CAMTA1: variants seen among roughly 807,000 people sequenced by gnomAD.
The protein encoded by CAMTA1 is calmodulin-binding transcription activator 1.
Under a neutral mutation model 170.9 loss-of-function variants are expected in CAMTA1, and 27 were observed. The observed-to-expected ratio is 0.16, with a 90% CI of 0.12 to 0.22. CAMTA1 has a LOEUF of 0.22. Among genes scored for constraint, CAMTA1 ranks in the 10% least tolerant of loss-of-function variants. CAMTA1 has a pLI of 1.00. For synonymous variants in CAMTA1, 833 were observed against 891.5 expected, an observed-to-expected ratio of 0.93 and a Z score of 1.17; for missense variants, 1,619 against 2,217.2, an observed-to-expected ratio of 0.73 and a Z score of 5.42.
chr1:7,218,129 C>T (rs539311096), intron 4 of CAMTA1, among the ~76,000 whole-genome samples: 13 of 152,310 alleles, frequency 8.5e-5, no homozygotes, highest in African/African-American at 3.1e-4. Flanking sequence ...CCATCCTTGC[C>T]CCACCTTCTA....
chr1:7,339,053 C>T (rs373604060), intron 5 of CAMTA1, among the ~76,000 whole-genome samples: 3 of 152,148 alleles, frequency 2.0e-5, no homozygotes, highest in South Asian at 2.1e-4. Context: ...ACTCCTATGA[C>T]GAGACCAGCG....
intron 3 of CAMTA1, among the ~76,000 whole-genome samples, chr1:6,844,211 A>G (rs923742190): frequency 6.6e-6 from 1 of 152,236 alleles, no homozygotes; most frequent in East Asian, 1.9e-4. Context: ...GTTGCAAGTC[A>G]GGAGATGTAG....
At chr1:7,535,639 G>A (rs938588966) in intron 6 of CAMTA1, among the ~76,000 whole-genome samples, 66 of 152,300 alleles carry the variant, frequency 4.3e-4, no homozygotes, top group Non-Finnish European at 5.9e-5. Flanking sequence ...CTTGGAATAT[G>A]TCACTGATGC....
intron 5 of CAMTA1, among the ~76,000 whole-genome samples, chr1:7,276,304 T>TATATATATATATATATATA (rs1553299266): frequency 2.0e-4 from 3 of 14,930 alleles, no homozygotes; most frequent in Non-Finnish European, 3.6e-4. Context: ...TATATATATA[T>TATATATATATATATATATA]TTTTTTTTTT....
In CAMTA1 at chr1:7,693,121, C is replaced by A. The variant is rs767837315; in HGVS notation, c.2914+15388C>A. On this transcript the variant is annotated intron_variant, in intron 11 of 22. Coordinates refer to ENST00000303635, the MANE Select transcript of CAMTA1 (RefSeq NM_015215.4). Reference sequence around the variant, plus strand: ...TGATAAAGACATAGCCAAGACTGAGCAATTTACAAAAGAAAGGGGTTTAAT... The same window carrying A: ...TGATAAAGACATAGCCAAGACTGAGAAATTTACAAAAGAAAGGGGTTTAAT... The A allele has an allele frequency of 8.5e-5, 13 of 152,458 alleles. No homozygotes were observed. The Middle Eastern group carries it at 0.014, about 158-fold the overall frequency. The allele number at this position is 152,458 out of a possible 1,614,324, so 9.4% of individuals were successfully genotyped here.
chr1:7,350,157 C>G (rs74052955), intron 5 of CAMTA1, among the ~76,000 whole-genome samples: 3,101 of 152,274 alleles, frequency 0.02, 110 homozygotes, highest in African/African-American at 0.071. Context: ...GGCACCTGCT[C>G]TTGTTCTCCC....
At position 7,565,248 on chromosome 1, in the gene CAMTA1, G is replaced by T. The variant is rs538437693; in HGVS notation, c.511-75152G>T. 3.3e-5 allele frequency among the ~76,000 whole-genome samples: 5 copies of T among 152,288 alleles called. No homozygotes were observed. The highest frequency in any genetic ancestry group is 1.2e-4 in the African/African-American group (5 of 41,554). On this transcript the variant is annotated intron_variant, in intron 6 of 22. Coordinates refer to ENST00000303635, the MANE Select transcript of CAMTA1 (RefSeq NM_015215.4). This position sits in a 1 kb window ranked among gnomAD's most constrained non-coding sequence, Gnocchi z 4.5. Reference sequence around the variant, plus strand: ...TCCCCGGAGAAGCACCCAGAGAGATGTAGCTGCCATAAAGGGCTGGAGAAG... The same window carrying T: ...TCCCCGGAGAAGCACCCAGAGAGATTTAGCTGCCATAAAGGGCTGGAGAAG...
At position 7,601,070 on chromosome 1, in the gene CAMTA1, T is replaced by C. The variant is rs370152136; in HGVS notation, c.511-39330T>C. Among the ~76,000 whole-genome samples, 32 of 139,956 alleles carry C rather than the reference T, an allele frequency of 2.3e-4. No homozygotes were observed. The East Asian group carries it at 5.2e-3, about 23-fold the overall frequency. The allele number at this position is 139,956 out of a possible 152,430, so 91.8% of individuals were successfully genotyped here. On this transcript the variant is annotated intron_variant, in intron 6 of 22. Coordinates refer to ENST00000303635, the MANE Select transcript of CAMTA1 (RefSeq NM_015215.4). ...CCCGGTAGGGGCGGCCGGGCAGAGG[T>C]GCCCCTCACCTCCCGGAAGGGGCGG... is the stretch of plus-strand genomic sequence containing the variant.
intron 22 of CAMTA1, among the ~76,000 whole-genome samples, chr1:7,766,237 G>A (rs1239445568): frequency 1.6e-5 from 2 of 123,862 alleles, no homozygotes; most frequent in East Asian, 2.7e-4. Context: ...TCGATGTAGA[G>A]CAAAGCTTTA....
chr1:7,114,260 T>A (rs566154880), intron 4 of CAMTA1, among the ~76,000 whole-genome samples: 1 of 152,190 alleles, frequency 6.6e-6, no homozygotes, highest in African/African-American at 2.4e-5. Flanking sequence ...CAGGGTACCC[T>A]GTATTAGTCA....
chr1:7,395,667 G>A (rs1267747265), intron 5 of CAMTA1, among the ~76,000 whole-genome samples: 1 of 152,134 alleles, frequency 6.6e-6, no homozygotes, highest in Non-Finnish European at 1.5e-5. Context: ...TTTGGGTAAT[G>A]TGAACATTTT....
chr1:7,059,558 T>C (rs1422744433), intron 3 of CAMTA1, among the ~76,000 whole-genome samples: 2 of 152,090 alleles, frequency 1.3e-5, no homozygotes, highest in Non-Finnish European at 2.9e-5. Context: ...AGGTCGAGGC[T>C]GCAGTGAACT....
chr1:7,723,387 T>G (rs2096662057), intron 11 of CAMTA1, among the ~76,000 whole-genome samples: 1 of 152,114 alleles, frequency 6.6e-6, no homozygotes, highest in African/African-American at 2.4e-5. Flanking sequence ...GACCCAAAGT[T>G]TAGAATAAAT....
chr1:7,236,810 A>C (rs954827884), intron 4 of CAMTA1, among the ~76,000 whole-genome samples: 9 of 152,242 alleles, frequency 5.9e-5, no homozygotes, highest in South Asian at 2.1e-4. Context: ...CATGGAAATC[A>C]GGCCATTCCG....
intron 3 of CAMTA1, among the ~76,000 whole-genome samples, chr1:7,081,998 T>C (rs1640073454): frequency 6.6e-6 from 1 of 152,220 alleles, no homozygotes; most frequent in Admixed American, 6.5e-5. Flanking sequence ...CCATTTACCT[T>C]GCTTTTGAAA....
At chr1:7,584,221 C>G (rs143933499) in intron 6 of CAMTA1, among the ~76,000 whole-genome samples, 128 of 152,046 alleles carry the variant, frequency 8.4e-4, no homozygotes, top group African/African-American at 3.0e-3. Context: ...TGGGGTCTTA[C>G]AGTAGGGGAG....
At chr1:7,150,992 G>A (rs887697636) in intron 4 of CAMTA1, among the ~76,000 whole-genome samples, 3 of 152,196 alleles carry the variant, frequency 2.0e-5, no homozygotes, top group East Asian at 1.9e-4. Context: ...TTTACAGGGC[G>A]AAAATTAATG....
chr1:7,606,196 A>C (rs1380327404), intron 6 of CAMTA1, among the ~76,000 whole-genome samples: 2 of 152,214 alleles, frequency 1.3e-5, no homozygotes, highest in Non-Finnish European at 2.9e-5. Context: ...CCAGACTCTC[A>C]GCACCTTCTT....
At chr1:7,461,809 G>C (rs1431932708) in intron 5 of CAMTA1, among the ~76,000 whole-genome samples, 1 of 152,242 alleles carries the variant, frequency 6.6e-6, no homozygotes, top group African/African-American at 2.4e-5. Context: ...CAGGGGAAAA[G>C]GGCCATGCAT....
Sources: gnomAD v4.1 joint callset for allele counts (sites outside exome capture counted in the v4.1 genomes callset) on GRCh38, gnomAD v4.1.1 for gene constraint, Gnocchi (gnomAD v3.1) non-coding constraint, MANE v1.5 for transcripts, NCBI Gene and HGNC (gene_info 2026-07-23, HGNC 2026-07-21) for gene names.